The following CFAP69 variants were observed in gnomAD, a reference collection of about 807,000 sequenced individuals.
The protein encoded by CFAP69 is cilia and flagella associated protein 69, also known as cilia- and flagella-associated protein 69.
CFAP69 carries 92 observed loss-of-function variants against 123.0 expected under a neutral mutation model. That is an observed-to-expected ratio of 0.75 (90% confidence interval 0.63 to 0.89). The LOEUF is 0.89. Ranked by LOEUF, CFAP69 falls within the 40% of genes least tolerant of loss-of-function variation. The pLI, the probability that CFAP69 is intolerant of heterozygous loss-of-function variation, is 0.00. For missense variants in CFAP69, 1,067 were observed against 1,096.9 expected (o/e 0.97, Z 0.39); for synonymous variants, 380 against 364.3 (o/e 1.04, Z -0.49).
chr7:90,270,822 C>T (rs975356716), intron 6 of CFAP69, among the ~76,000 whole-genome samples: 1 of 152,094 alleles, frequency 6.6e-6, no homozygotes, highest in African/African-American at 2.4e-5. Flanking sequence ...GGTATACCTG[C>T]ATCAAAAGGA....
chr7:90,268,353 T>C lies in CFAP69; in HGVS notation c.501T>C (p.Tyr167=). 1 of 1,610,832 alleles carries C rather than the reference T, an allele frequency of 6.2e-7. No homozygotes were observed. Among genetic ancestry groups the C allele is most frequent in the Non-Finnish European group, 8.5e-7 (1 of 1,178,704 alleles). ...TTTGTAAGTGTATTGTTGATTTTTA[T>C]CATGCAGAACCACCAAAGAAGCATA... The part of the protein sequence containing the change: ...IQICKCIVDF[Y]HAEPPKKHIP... The change falls in exon 6 of 23, where the codon TAT becomes TAC. Residue 167 remains tyrosine (Y), a synonymous_variant. Coordinates refer to ENST00000389297, the MANE Select transcript of CFAP69 (RefSeq NM_001039706.3).
chr7:90,312,167 C>T (rs969827282), downstream of CFAP69, among the ~76,000 whole-genome samples: 9 of 152,200 alleles, frequency 5.9e-5, no homozygotes, highest in Non-Finnish European at 1.3e-4. Flanking sequence ...GGCAGTCTTT[C>T]CCTTGAGCTC....
At chr7:90,263,651 C>T (rs1457219682) in intron 4 of CFAP69, among the ~76,000 whole-genome samples, 1 of 152,086 alleles carries the variant, frequency 6.6e-6, no homozygotes, top group African/African-American at 2.4e-5. Context: ...TAGAAATGAA[C>T]TTCTGTGGCA....
In CFAP69 at chr7:90,268,177, C is replaced by A. The variant is rs1250782068; in HGVS notation, c.434-109C>A. 14 of 659,426 alleles carry A rather than the reference C, an allele frequency of 2.1e-5. No homozygotes were observed. In the Admixed American group the frequency reaches 4.5e-4, roughly 21 times the overall value. The allele number at this position is 659,426 out of a possible 1,614,324, so 40.8% of individuals were successfully genotyped here. ...AAATTGAACATGATCCAGTTTGAAT[C>A]TCTGAGAATATTTTTAATAATCATC... On this transcript the variant is annotated intron_variant, in intron 5 of 22. Transcript: ENST00000389297.
chr7:90,267,416 G>A (rs1333686868), intron 5 of CFAP69, among the ~76,000 whole-genome samples: 3 of 152,016 alleles, frequency 2.0e-5, no homozygotes, highest in South Asian at 2.1e-4. Flanking sequence ...ACTGACTACC[G>A]CTGTCCTTGG....
At chr7:90,294,777 C>G (rs1378583663) in intron 15 of CFAP69, among the ~76,000 whole-genome samples, 2 of 152,164 alleles carry the variant, frequency 1.3e-5, no homozygotes, top group Middle Eastern at 3.2e-3. Context: ...ACAAAGTACA[C>G]CAGATTGGCT....
chr7:90,279,634 T>G lies in CFAP69; in HGVS notation c.1156-43T>G, dbSNP rs565930083. The G allele has an allele frequency of 9.3e-5, 115 of 1,233,098 alleles. No individual in the cohort carries two copies. In the South Asian group the frequency reaches 1.6e-3, roughly 17 times the overall value. 76.4% of individuals were successfully genotyped at this position (1,233,098 alleles called of 1,614,324 possible). A position where few individuals can be genotyped will look rare whatever the true frequency, so the allele number is the denominator to read the frequency against. On this transcript the variant is annotated intron_variant, in intron 11 of 22. Transcript: ENST00000389297. Reference sequence around the variant, plus strand: ...TTTATTTAATTGCCTTAAAGTATTTTTGGCTATGTTTCTAACAAAGTATCC... The same window carrying G: ...TTTATTTAATTGCCTTAAAGTATTTGTGGCTATGTTTCTAACAAAGTATCC...
At chr7:90,281,280 A>G (rs970078837) in intron 12 of CFAP69, among the ~76,000 whole-genome samples, 1 of 152,214 alleles carries the variant, frequency 6.6e-6, no homozygotes, top group Non-Finnish European at 1.5e-5. Flanking sequence ...ACCAACATGC[A>G]ATACTCAGAA....
intron 18 of CFAP69, 91 bp from the exon 19 acceptor site, chr7:90,304,650 GATA>G: frequency 1.6e-6 from 1 of 644,432 alleles, no homozygotes; most frequent in East Asian, 2.8e-4. Context: ...TAGGTAGATA[GATA>G]GATAGATAGA....
At chr7:90,321,397 C>A in the CFAP69 span, 1 of 152,508 alleles carries the variant, frequency 6.6e-6, no homozygotes, top group Non-Finnish European at 1.5e-5. Context: ...CTGACCTCGC[C>A]CAACTTCCCA....
chr7:90,287,223 G>T (rs187844518), intron 14 of CFAP69, among the ~76,000 whole-genome samples: 94 of 152,156 alleles, frequency 6.2e-4, no homozygotes, highest in Non-Finnish European at 1.2e-4. Flanking sequence ...TTGATAGATA[G>T]GCACTTGGGT....
intron 9 of CFAP69, 145 bp from the exon 10 acceptor site, chr7:90,276,927 CT>C: frequency 1.8e-6 from 1 of 557,756 alleles, no homozygotes; most frequent in Admixed American, 4.0e-5. Flanking sequence ...TTGCCTCACT[CT>C]TTATTACTAT....
chr7:90,262,132 T>G (rs1325368775), intron 4 of CFAP69, 76 bp downstream of exon 4: 6 of 920,408 alleles, frequency 6.5e-6, no homozygotes, highest in Non-Finnish European at 1.0e-5. Flanking sequence ...ACAAACATAC[T>G]ATGCATTATA....
At chr7:90,296,458 A>AGGCGC (rs1380168230) in intron 15 of CFAP69, among the ~76,000 whole-genome samples, 2 of 151,774 alleles carry the variant, frequency 1.3e-5, no homozygotes, top group East Asian at 3.9e-4. Flanking sequence ...CTCCTGAATA[A>AGGCGC]CTGGGATTAC....
chr7:90,309,180 A>T, intron 21 of CFAP69, 83 bp from the exon 22 acceptor site: 1 of 666,994 alleles, frequency 1.5e-6, no homozygotes, highest in East Asian at 2.8e-5. Flanking sequence ...GCCAGACACA[A>T]TTAAATATGT....
At position 90,271,678 on chromosome 7, in the gene CFAP69, T is replaced by A; in HGVS notation, c.682+3T>A. On this transcript the variant is annotated splice_donor_region_variant and intron_variant, in intron 7 of 22. Transcript: ENST00000389297. The stretch of plus-strand genomic sequence containing the variant: ...TCTGCAGCATCTCTCAACTTCTGGT[T>A]TGTATATTATTAAGTTTAAACACTT... 1 of 1,611,956 alleles carries A rather than the reference T, an allele frequency of 6.2e-7. No homozygotes were observed.
chr7:90,287,935 T>C (rs1790540280), intron 14 of CFAP69, among the ~76,000 whole-genome samples: 1 of 151,958 alleles, frequency 6.6e-6, no homozygotes, highest in Non-Finnish European at 1.5e-5. Context: ...AAAATCAAGG[T>C]ACAAATTTTA....
intron 15 of CFAP69, among the ~76,000 whole-genome samples, chr7:90,297,015 G>A (rs1792087607): frequency 6.6e-6 from 1 of 152,164 alleles, no homozygotes; most frequent in African/African-American, 2.4e-5. Flanking sequence ...GACAGGGGAG[G>A]GGATTCGCTA....
chr7:90,247,051 A>G (rs4727223), intron 1 of CFAP69, among the ~76,000 whole-genome samples: 26,560 of 152,164 alleles, frequency 0.17, 4,624 homozygotes, highest in East Asian at 0.73. Context: ...ACTAATTCTA[A>G]GAGTAGTAAC....
Sources: gnomAD v4.1 joint callset for allele counts (sites outside exome capture counted in the v4.1 genomes callset) on GRCh38, gnomAD v4.1.1 for gene constraint, MANE v1.5 for transcripts, NCBI Gene and HGNC (gene_info 2026-07-23, HGNC 2026-07-21) for gene names.